Variants in CUX1 observed in about 807,000 individuals in gnomAD.
CUX1 encodes protein CASP.
CUX1 carries 31 observed loss-of-function variants against 158.8 expected under a neutral mutation model. That is an observed-to-expected ratio of 0.20 (90% CI 0.15 to 0.26). The LOEUF is 0.26. CUX1 is among the 10% of genes least tolerant of loss of function. The pLI is 1.00. For synonymous variants in CUX1, 879 were observed against 862.1 expected (o/e 1.02, Z -0.34); for missense variants, 1,589 against 2,014.6 (o/e 0.79, Z 4.04).
Position 102,111,930 on chromosome 7 carries a change from C to T in CUX1, c.607+156C>T, listed in dbSNP as rs993836311. On this transcript the variant is annotated intron_variant, in intron 7 of 23. Transcript: ENST00000292535. ...ACGCTGAAGAATTCCGCAGCACGCC[C>T]GCCAGCTGCTGCGCCTCATTCCTCA... 3.9e-5 allele frequency: 24 copies of T among 611,710 alleles called. No individual in the cohort carries two copies. The East Asian group carries it at 4.8e-4, about 12-fold the overall frequency. The allele number at this position is 611,710 out of a possible 1,614,324, so 37.9% of individuals were successfully genotyped here. A position where few individuals can be genotyped will look rare whatever the true frequency, so the allele number is the denominator to read the frequency against.
At chr7:102,002,694 T>C (rs532069186) in intron 2 of CUX1, among the ~76,000 whole-genome samples, 33 of 152,252 alleles carry the variant, frequency 2.2e-4, no homozygotes, top group African/African-American at 7.7e-4. Flanking sequence ...GCTCCTTTGA[T>C]GTCAGAGCAT....
At chr7:102,088,762 T>C (rs1005396232) in intron 4 of CUX1, among the ~76,000 whole-genome samples, 1 of 152,240 alleles carries the variant, frequency 6.6e-6, no homozygotes, top group Non-Finnish European at 1.5e-5. Flanking sequence ...TTTTAACCTA[T>C]ATACAATTAA....
intron 2 of CUX1, among the ~76,000 whole-genome samples, chr7:101,918,108 G>A (rs1033009637): frequency 2.6e-5 from 4 of 152,234 alleles, no homozygotes; most frequent in Non-Finnish European, 4.4e-5. Flanking sequence ...TATTCAGCCA[G>A]AGAATGAGGT....
intron 14 of CUX1, 99 bp downstream of exon 14, chr7:102,195,702 GC>G: frequency 9.4e-7 from 1 of 1,063,326 alleles, no homozygotes; most frequent in Non-Finnish European, 1.3e-6. Context: ...CAGATGCATG[GC>G]CAGAGAAGCG....
At chr7:102,164,272 C>T (rs187747486) in intron 9 of CUX1, among the ~76,000 whole-genome samples, 2 of 152,372 alleles carry the variant, frequency 1.3e-5, no homozygotes, top group Admixed American at 1.3e-4. Flanking sequence ...ATCCTCTCGC[C>T]TTGGCCTACC....
intron 2 of CUX1, among the ~76,000 whole-genome samples, chr7:102,003,218 G>C (rs960766289): frequency 6.6e-6 from 1 of 151,530 alleles, no homozygotes; most frequent in Non-Finnish European, 1.5e-5. Flanking sequence ...TCTCTAGAGA[G>C]GCCCCTTGAT....
intron 21 of CUX1, chr7:102,282,661 AG>A: frequency 6.3e-7 from 1 of 1,591,428 alleles, no homozygotes; most frequent in Non-Finnish European, 8.6e-7. Context: ...GGTGGGCTGC[AG>A]GGGTGGCCTT....
At chr7:102,102,438 A>G (rs924095344) in intron 5 of CUX1, among the ~76,000 whole-genome samples, 2 of 151,562 alleles carry the variant, frequency 1.3e-5, no homozygotes, top group Admixed American at 1.3e-4. Flanking sequence ...AAAAAAAAAA[A>G]AAAAAAAAGC....
At chr7:101,997,935 C>T (rs1341152440) in intron 2 of CUX1, among the ~76,000 whole-genome samples, 1 of 152,238 alleles carries the variant, frequency 6.6e-6, no homozygotes, top group Non-Finnish European at 1.5e-5. Context: ...CCTTGCTGGC[C>T]TGACTCATAT....
chr7:102,020,839 C>A (rs1437046564), intron 2 of CUX1, among the ~76,000 whole-genome samples: 1 of 150,990 alleles, frequency 6.6e-6, no homozygotes, highest in East Asian at 1.9e-4. Context: ...GAGATCGCGC[C>A]ACTGCACTCC....
intron 3 of CUX1, among the ~76,000 whole-genome samples, chr7:102,032,722 C>T (rs964333692): frequency 9.2e-5 from 14 of 152,060 alleles, no homozygotes; most frequent in Admixed American, 9.2e-4. Context: ...GAAATGATTA[C>T]TTATAATTAT....
At position 102,196,963 on chromosome 7, in the gene CUX1, T is replaced by A. The variant is rs781975744; in HGVS notation, c.1552T>A (p.Ser518Thr). The A allele has an allele frequency of 9.9e-6, 16 of 1,614,014 alleles. No individual in the cohort carries two copies. Among genetic ancestry groups the A allele is most frequent in the Non-Finnish European group, 1.4e-5 (16 of 1,180,046 alleles). The change falls in exon 15 of 24, where the codon TCT (serine) becomes ACT (threonine). Residue 518 changes from serine (S) to threonine (T), a missense_variant. Ser to Thr is a moderately conservative substitution (Grantham distance 58). Coordinates refer to ENST00000292535, the MANE Select transcript of CUX1 (RefSeq NM_181552.4). ...STGPYSTNSI[S>T]SQSPLQQSPD... Reference sequence around the variant, plus strand: ...AGGTCCATACAGCACAAACTCCATATCTTCCCAAAGTCCATTACAACAAAG... The same window carrying A: ...AGGTCCATACAGCACAAACTCCATAACTTCCCAAAGTCCATTACAACAAAG...
chr7:102,135,073 A>C (rs1833747647), intron 8 of CUX1, among the ~76,000 whole-genome samples: 1 of 152,124 alleles, frequency 6.6e-6, no homozygotes, highest in Non-Finnish European at 1.5e-5. Context: ...ACTGTCCAAA[A>C]GAATCGTGTA....
chr7:102,149,778 C>T (rs917867766), intron 8 of CUX1, among the ~76,000 whole-genome samples: 3 of 152,114 alleles, frequency 2.0e-5, no homozygotes, highest in East Asian at 1.9e-4. Context: ...ACTCTTTGAC[C>T]CCCCGAGTTA....
intron 4 of CUX1, among the ~76,000 whole-genome samples, chr7:102,076,384 AAAAT>A (rs1227896106): frequency 6.7e-6 from 1 of 148,586 alleles, no homozygotes. Context: ...GACTGTCTAA[AAAAT>A]AAATAAAATT....
intron 17 of CUX1, among the ~76,000 whole-genome samples, chr7:102,275,924 G>A (rs560097185): frequency 1.3e-5 from 2 of 151,570 alleles, no homozygotes; most frequent in Admixed American, 1.3e-4. Context: ...CAGGAGGATC[G>A]CTTGAACCTG....
chr7:101,858,070 C>G (rs1797070182), intron 1 of CUX1, among the ~76,000 whole-genome samples: 1 of 151,920 alleles, frequency 6.6e-6, no homozygotes, highest in South Asian at 2.1e-4. Context: ...TTACAGTGAG[C>G]CAAGATGGTG....
At chr7:102,275,420 A>T in intron 17 of CUX1, 1 of 1,341,808 alleles carries the variant, frequency 7.5e-7, no homozygotes, top group Admixed American at 1.9e-5. Flanking sequence ...TGGGGAACAC[A>T]CAGGCTTTCA....
intron 9 of CUX1, among the ~76,000 whole-genome samples, chr7:102,164,894 G>A (rs1490205078): frequency 1.3e-5 from 2 of 152,110 alleles, no homozygotes; most frequent in Non-Finnish European, 1.5e-5. Context: ...AAAACCTGGG[G>A]CCAAGAAGGG....
Sources: allele counts gnomAD v4.1 joint callset (sites outside exome capture counted in the v4.1 genomes callset), GRCh38; gene constraint gnomAD v4.1.1; transcripts MANE v1.5; gene names NCBI Gene and HGNC (gene_info 2026-07-23, HGNC 2026-07-21).